Variants in TMTC2 observed in about 807,000 individuals in gnomAD.
TMTC2 encodes transmembrane O-mannosyltransferase targeting cadherins 2, also known as protein O-mannosyl-transferase TMTC2.
Under a neutral mutation model 82.4 loss-of-function variants are expected in TMTC2, and 43 were observed. The observed-to-expected ratio is 0.52, with a 90% confidence interval of 0.41 to 0.67. The LOEUF (loss-of-function observed/expected upper bound fraction) is 0.67. TMTC2 is among the 30% of genes least tolerant of loss of function. TMTC2 has a pLI of 0.00. For missense variants in TMTC2, 919 were observed against 1,012.4 expected, an observed-to-expected ratio of 0.91 and a Z score of 1.25; for synonymous variants, 408 against 381.9, an observed-to-expected ratio of 1.07 and a Z score of -0.80.
intron 4 of TMTC2, among the ~76,000 whole-genome samples, chr12:82,937,726 GTGGA>G (rs372250214): frequency 0.21 from 11,065 of 52,474 alleles, 749 homozygotes; most frequent in Non-Finnish European, 0.27. Context: ...GTGTGTGTGT[GTGGA>G]TGTGTGTGTG....
At chr12:82,918,897 A>G (rs1875197530) in intron 3 of TMTC2, among the ~76,000 whole-genome samples, 1 of 151,994 alleles carries the variant, frequency 6.6e-6, no homozygotes, top group African/African-American at 2.4e-5. Context: ...AGCTGGGACT[A>G]CAGGTGCCTG....
chr12:83,060,141 A>T (rs1882687921), intron 10 of TMTC2, among the ~76,000 whole-genome samples: 3 of 151,882 alleles, frequency 2.0e-5, no homozygotes, highest in Middle Eastern at 3.4e-3. Context: ...ATTTATGAGA[A>T]TATAAATTGC....
intron 11 of TMTC2, among the ~76,000 whole-genome samples, chr12:83,124,191 A>G (rs1037234745): frequency 3.3e-5 from 5 of 152,220 alleles, no homozygotes; most frequent in East Asian, 1.9e-4. Context: ...CTAAAAATAT[A>G]TATTGCTTTT....
intron 1 of TMTC2, among the ~76,000 whole-genome samples, chr12:82,780,843 G>A (rs575965541): frequency 6.6e-6 from 1 of 151,346 alleles, no homozygotes; most frequent in East Asian, 1.9e-4. Context: ...GAGCTTTCTG[G>A]TTGCAAATAT....
chr12:82,737,329 T>G (rs1216510357), intron 1 of TMTC2, among the ~76,000 whole-genome samples: 1 of 152,180 alleles, frequency 6.6e-6, no homozygotes, highest in Admixed American at 6.5e-5. Flanking sequence ...TTTTTGTTTT[T>G]TAATATCAGG....
Position 82,797,932 on chromosome 12 carries a change from C to T in TMTC2, c.84-59078C>T, listed in dbSNP as rs1185151990. On this transcript the variant is annotated intron_variant, in intron 1 of 11. Transcript: ENST00000321196. ...AGTAGTAATTTTTAATATAACCACC[C>T]TAATTTTTTTTTTTTTTTTTTTTTG... 2.1e-5 allele frequency among the ~76,000 whole-genome samples: 3 copies of T among 145,748 alleles called. No individual in the cohort carries two copies. In the East Asian group the frequency reaches 6.1e-4, roughly 30 times the overall value.
At chr12:82,842,552 A>G (rs930477389) in intron 1 of TMTC2, among the ~76,000 whole-genome samples, 2 of 152,336 alleles carry the variant, frequency 1.3e-5, no homozygotes, top group South Asian at 2.1e-4. Context: ...TAAACAGTAT[A>G]TAGCATATGT....
chr12:82,692,159 G>A (rs1227230953), intron 1 of TMTC2, among the ~76,000 whole-genome samples: 1 of 152,140 alleles, frequency 6.6e-6, no homozygotes, highest in Non-Finnish European at 1.5e-5. Context: ...GAATGGACAT[G>A]TGCAAATGCC....
intron 4 of TMTC2, among the ~76,000 whole-genome samples, chr12:82,959,876 G>T (rs995795941): frequency 7.3e-4 from 110 of 150,450 alleles, no homozygotes; most frequent in South Asian, 4.2e-4. Flanking sequence ...ACTATCAACA[G>T]AGTAAACAGA....
chr12:82,913,478 T>G (rs922116520), intron 3 of TMTC2, among the ~76,000 whole-genome samples: 4 of 152,174 alleles, frequency 2.6e-5, no homozygotes, highest in African/African-American at 9.7e-5. Flanking sequence ...AAATGTGGCT[T>G]CTCTATGAGT....
chr12:83,092,116 G>T (rs1264653683), intron 11 of TMTC2, among the ~76,000 whole-genome samples: 2 of 152,196 alleles, frequency 1.3e-5, no homozygotes, highest in African/African-American at 2.4e-5. Context: ...ATAGTTGTGT[G>T]CTTCTTCTCA....
At chr12:83,002,102 G>A (rs1879953365) in intron 8 of TMTC2, among the ~76,000 whole-genome samples, 1 of 152,144 alleles carries the variant, frequency 6.6e-6, no homozygotes, top group South Asian at 2.1e-4. Flanking sequence ...AATCCATCCA[G>A]TGGAAATCTT....
intron 11 of TMTC2, among the ~76,000 whole-genome samples, chr12:83,070,519 A>G (rs1883073203): frequency 6.6e-6 from 1 of 152,074 alleles, no homozygotes; most frequent in African/African-American, 2.4e-5. Context: ...TAGAAGAGCT[A>G]CTAATTTTTG....
chr12:82,823,725 C>T (rs74347710), intron 1 of TMTC2, among the ~76,000 whole-genome samples: 1,636 of 152,192 alleles, frequency 0.011, 31 homozygotes, highest in African/African-American at 0.038. Context: ...CCCAGGTAAC[C>T]CTGTTCTTGA....
chr12:82,821,695 AC>A (rs1869119088), intron 1 of TMTC2, among the ~76,000 whole-genome samples: 1 of 152,008 alleles, frequency 6.6e-6, no homozygotes, highest in Non-Finnish European at 1.5e-5. Context: ...AGATGGTGAA[AC>A]CCCATCTCTA....
intron 9 of TMTC2, among the ~76,000 whole-genome samples, chr12:83,050,299 C>T (rs917856309): frequency 2.7e-5 from 4 of 150,848 alleles, no homozygotes; most frequent in East Asian, 2.0e-4. Flanking sequence ...TTTTCTTTAC[C>T]CTCACAATAT....
intron 1 of TMTC2, among the ~76,000 whole-genome samples, chr12:82,707,605 C>G (rs1448527066): frequency 1.3e-5 from 2 of 152,188 alleles, no homozygotes; most frequent in Admixed American, 6.5e-5. Context: ...CTGTGGAGGA[C>G]TTTAGGTATC....
intron 3 of TMTC2, among the ~76,000 whole-genome samples, chr12:82,912,726 C>A (rs1179940979): frequency 6.6e-6 from 1 of 151,778 alleles, no homozygotes; most frequent in South Asian, 2.1e-4. Flanking sequence ...TCACTTGAGC[C>A]CAGGAGTTTG....
intron 1 of TMTC2, among the ~76,000 whole-genome samples, chr12:82,769,431 G>C (rs1359433503): frequency 6.6e-6 from 1 of 151,934 alleles, no homozygotes; most frequent in Non-Finnish European, 1.5e-5. Context: ...AGCTGAGATT[G>C]TGCCACTGTA....
Sources: allele counts gnomAD v4.1 joint callset (sites outside exome capture counted in the v4.1 genomes callset), GRCh38; gene constraint gnomAD v4.1.1; transcripts MANE v1.5; gene names NCBI Gene and HGNC (gene_info 2026-07-23, HGNC 2026-07-21).